The following PTPRR variants were observed in gnomAD, a reference collection of about 807,000 sequenced individuals.
PTPRR encodes the protein receptor-type tyrosine-protein phosphatase R.
PTPRR carries 38 observed loss-of-function variants against 77.2 expected under a neutral mutation model. The ratio of observed to expected loss-of-function variants is 0.49; its 90% CI spans 0.38 to 0.65. The LOEUF (loss-of-function observed/expected upper bound fraction) is 0.65. Among genes scored for constraint, PTPRR ranks in the 30% least tolerant of loss-of-function variants. The pLI, the probability that PTPRR is intolerant of heterozygous loss-of-function variation, is 0.00. For missense variants in PTPRR, 744 were observed against 799.2 expected, an observed-to-expected ratio of 0.93 and a Z score of 0.83; for synonymous variants, 299 against 283.1, an observed-to-expected ratio of 1.06 and a Z score of -0.57.
At chr12:70,901,753 T>A (rs1290416250) in intron 1 of PTPRR, among the ~76,000 whole-genome samples, 1 of 151,712 alleles carries the variant, frequency 6.6e-6, no homozygotes, top group African/African-American at 2.4e-5. Flanking sequence ...GATAAATAGT[T>A]GGGACTTAAT....
intron 10 of PTPRR, among the ~76,000 whole-genome samples, chr12:70,681,222 G>A (rs1887645584): frequency 6.6e-6 from 1 of 152,206 alleles, no homozygotes. Flanking sequence ...AATGAAAAGA[G>A]ATGGTGGCTA....
intron 6 of PTPRR, among the ~76,000 whole-genome samples, chr12:70,731,734 C>T (rs938206160): frequency 6.6e-6 from 1 of 152,166 alleles, no homozygotes; most frequent in Non-Finnish European, 1.5e-5. Context: ...ACGAATATGT[C>T]TAACTCCCAT....
intron 1 of PTPRR, among the ~76,000 whole-genome samples, chr12:70,911,825 A>G (rs1893705453): frequency 6.6e-6 from 1 of 152,062 alleles, no homozygotes; most frequent in South Asian, 2.1e-4. Flanking sequence ...TGGCATAAAC[A>G]TAAAAAGAAT....
chr12:70,660,798 A>G, intron 12 of PTPRR, 142 bp downstream of exon 12: 1 of 849,174 alleles, frequency 1.2e-6, no homozygotes, highest in African/African-American at 1.7e-5. Context: ...TCAGACTCAA[A>G]TATTACAGAC....
intron 10 of PTPRR, among the ~76,000 whole-genome samples, chr12:70,668,690 A>G (rs1887103301): frequency 6.6e-6 from 1 of 152,190 alleles, no homozygotes; most frequent in African/African-American, 2.4e-5. Flanking sequence ...AAATTTACAT[A>G]TCTATTGAGT....
At chr12:70,745,323 C>A (rs571210900) in intron 6 of PTPRR, among the ~76,000 whole-genome samples, 2 of 152,268 alleles carry the variant, frequency 1.3e-5, no homozygotes, top group South Asian at 4.1e-4. Flanking sequence ...CCACTGCGCC[C>A]GTCCAGTGTC....
chr12:70,779,777 T>C (rs1390231908), intron 2 of PTPRR, among the ~76,000 whole-genome samples: 2 of 152,202 alleles, frequency 1.3e-5, no homozygotes, highest in Non-Finnish European at 2.9e-5. Flanking sequence ...ATCTGAGTTA[T>C]ATGATAGGCT....
chr12:70,710,881 T>C (rs528165588), intron 6 of PTPRR, among the ~76,000 whole-genome samples: 1 of 152,162 alleles, frequency 6.6e-6, no homozygotes, highest in East Asian at 1.9e-4. Context: ...ATGGCTACTA[T>C]TAAAAAGTCA....
intron 2 of PTPRR, among the ~76,000 whole-genome samples, chr12:70,810,959 G>T (rs2137030528): frequency 6.6e-6 from 1 of 152,266 alleles, no homozygotes; most frequent in South Asian, 2.1e-4. Flanking sequence ...TTCTCCTAAA[G>T]AGAAATGCAT....
At chr12:70,728,528 AATAT>A (rs71068723) in intron 6 of PTPRR, among the ~76,000 whole-genome samples, 12,333 of 79,910 alleles carry the variant, frequency 0.15, 856 homozygotes, top group East Asian at 0.26. Context: ...CCAAAATCTG[AATAT>A]ATATATATAT....
intron 6 of PTPRR, among the ~76,000 whole-genome samples, chr12:70,722,375 C>A (rs1254349589): frequency 6.6e-6 from 1 of 152,182 alleles, no homozygotes; most frequent in African/African-American, 2.4e-5. Context: ...CTCATGATCT[C>A]TCCTGTCACT....
At chr12:70,686,005 T>C (rs548933305) in intron 8 of PTPRR, among the ~76,000 whole-genome samples, 5 of 152,330 alleles carry the variant, frequency 3.3e-5, no homozygotes, top group Admixed American at 3.3e-4. Context: ...CATGCGAAGA[T>C]AGCTATGTAA....
At chr12:70,841,923 C>T (rs1040995433) in intron 2 of PTPRR, among the ~76,000 whole-genome samples, 4 of 152,190 alleles carry the variant, frequency 2.6e-5, no homozygotes, top group African/African-American at 9.7e-5. Context: ...CCATTGTTAT[C>T]TCCATGGTGG....
At chr12:70,661,205 T>A in intron 11 of PTPRR, 108 bp from the exon 12 acceptor site, 1 of 1,444,708 alleles carries the variant, frequency 6.9e-7, no homozygotes, top group Non-Finnish European at 9.5e-7. Flanking sequence ...TGGCAATTTA[T>A]TTCTAGGTGG....
At chr12:70,682,398 G>A (rs1269167601) in intron 10 of PTPRR, among the ~76,000 whole-genome samples, 1 of 152,138 alleles carries the variant, frequency 6.6e-6, no homozygotes, top group South Asian at 2.1e-4. Flanking sequence ...TTTATGTAAG[G>A]TCTCAGTTCC....
At chr12:70,714,631 A>G (rs999278133) in intron 6 of PTPRR, among the ~76,000 whole-genome samples, 3 of 152,216 alleles carry the variant, frequency 2.0e-5, no homozygotes, top group Non-Finnish European at 4.4e-5. Flanking sequence ...GTTGCCATGG[A>G]AAGTCTTCTA....
intron 2 of PTPRR, among the ~76,000 whole-genome samples, chr12:70,861,146 A>C (rs1892746615): frequency 6.6e-6 from 1 of 152,148 alleles, no homozygotes; most frequent in South Asian, 2.1e-4. Flanking sequence ...GAGTAGGGCA[A>C]GACTAATATA....
rs1887776976 is a variant in PTPRR at position 70,684,226 on chromosome 12, C to T, written c.1398G>A (p.Gln466=). 1 of 1,613,866 alleles carries T rather than the reference C, an allele frequency of 6.2e-7. No homozygotes were observed. Among genetic ancestry groups the T allele is most frequent in the Non-Finnish European group, 8.5e-7 (1 of 1,179,928 alleles). Residue 466 remains glutamine, a synonymous_variant, in exon 10 of 14, where the codon CAG becomes CAA. Transcript: ENST00000283228. ...CATCCACGGTGTTGATCATGGGGCC[C>T]TGCGTGGCAATGAAGGCTTTCTCCT... ...SGKEKAFIAT[Q]GPMINTVDDF... is the part of the protein sequence containing the mutation.
rs575608923 is a variant in PTPRR at position 70,739,866 on chromosome 12, C to T, written c.1007+5952G>A. ...AGGCAAACAGAAATGCAAATGTGGA[C>T]AGGAGCGCAGCACTCAGAGGGGGAT... On this transcript the variant is annotated intron_variant, in intron 6 of 13. Coordinates refer to ENST00000283228, the MANE Select transcript of PTPRR (RefSeq NM_002849.4). 3.9e-5 allele frequency among the ~76,000 whole-genome samples: 6 copies of T among 152,006 alleles called. No individual in the cohort carries two copies. In the East Asian group the frequency reaches 7.7e-4, roughly 20 times the overall value.
Sources: allele counts gnomAD v4.1 joint callset (sites outside exome capture counted in the v4.1 genomes callset), GRCh38; gene constraint gnomAD v4.1.1; transcripts MANE v1.5; gene names NCBI Gene and HGNC (gene_info 2026-07-23, HGNC 2026-07-21).